SCAPER: variants seen among roughly 807,000 people sequenced by gnomAD.
SCAPER encodes S-phase cyclin A associated protein in the ER, also known as S phase cyclin A-associated protein in the endoplasmic reticulum.
In SCAPER, 98 loss-of-function variants were observed where a neutral mutation model predicts 182.2. That is an observed-to-expected ratio of 0.54 (90% CI 0.46 to 0.64). The LOEUF (loss-of-function observed/expected upper bound fraction) is 0.64. Among genes scored for constraint, SCAPER ranks in the 30% least tolerant of loss-of-function variants. The probability of loss-of-function intolerance (pLI) is 0.00; values close to 1 mark genes in which losing one functional copy is unlikely to be tolerated. For missense variants in SCAPER, 1,432 were observed against 1,690.0 expected, an observed-to-expected ratio of 0.85 and a Z score of 2.68; for synonymous variants, 605 against 564.6, an observed-to-expected ratio of 1.07 and a Z score of -1.01.
chr15:76,665,505 G>C, intron 21 of SCAPER, 148 bp downstream of exon 21: 1 of 915,278 alleles, frequency 1.1e-6, no homozygotes, highest in Non-Finnish European at 1.6e-6. Flanking sequence ...CTCAATCAAG[G>C]AAAGTGGCTA....
At chr15:76,721,352 G>A (rs2060229756) in intron 17 of SCAPER, among the ~76,000 whole-genome samples, 1 of 151,982 alleles carries the variant, frequency 6.6e-6, no homozygotes, top group African/African-American at 2.4e-5. Context: ...TTTGAAGTCA[G>A]GTAGTGTGAT....
intron 20 of SCAPER, among the ~76,000 whole-genome samples, chr15:76,678,847 C>T (rs1458200347): frequency 2.6e-5 from 4 of 152,108 alleles, no homozygotes; most frequent in African/African-American, 9.7e-5. Context: ...TAGCTCAATT[C>T]ACTAACATTT....
intron 15 of SCAPER, among the ~76,000 whole-genome samples, chr15:76,741,375 T>C (rs2061529678): frequency 6.6e-6 from 1 of 152,044 alleles, no homozygotes; most frequent in Admixed American, 6.5e-5. Flanking sequence ...AAATACAATA[T>C]AATATTAAAG....
chr15:76,652,509 TTACA>T (rs1182025362), intron 21 of SCAPER, among the ~76,000 whole-genome samples: 11 of 42,614 alleles, frequency 2.6e-4, no homozygotes, highest in East Asian at 1.3e-3. Flanking sequence ...ATATATATAT[TTACA>T]TACATACACA....
At chr15:76,606,711 G>A (rs2050440174) in intron 22 of SCAPER, among the ~76,000 whole-genome samples, 1 of 151,274 alleles carries the variant, frequency 6.6e-6, no homozygotes, top group African/African-American at 2.4e-5. Flanking sequence ...TGTATTGGGT[G>A]CATATATATT....
intron 23 of SCAPER, among the ~76,000 whole-genome samples, chr15:76,509,263 C>T (rs1324837694): frequency 6.6e-6 from 1 of 152,170 alleles, no homozygotes; most frequent in Non-Finnish European, 1.5e-5. Context: ...ATTATCCCCT[C>T]TTCTTCAGCT....
chr15:76,490,234 T>A (rs1596989440), intron 24 of SCAPER, among the ~76,000 whole-genome samples: 2 of 152,246 alleles, frequency 1.3e-5, no homozygotes, highest in East Asian at 3.8e-4. Flanking sequence ...TTTTCCATAG[T>A]GGCTGCACCA....
At chr15:76,505,035 G>A in intron 23 of SCAPER, 61 bp from the exon 24 acceptor site, 1 of 1,150,502 alleles carries the variant, frequency 8.7e-7, no homozygotes, top group South Asian at 1.4e-5. Flanking sequence ...ATAACCAAAT[G>A]ATATCTGTAG....
At chr15:76,524,186 C>T (rs1430469683) in intron 23 of SCAPER, among the ~76,000 whole-genome samples, 4 of 152,132 alleles carry the variant, frequency 2.6e-5, no homozygotes, top group Middle Eastern at 3.4e-3. Context: ...AAAAGCAAAA[C>T]AAAAACAAAA....
chr15:76,492,040 C>A (rs981645703), intron 24 of SCAPER, among the ~76,000 whole-genome samples: 2 of 152,134 alleles, frequency 1.3e-5, no homozygotes, highest in African/African-American at 4.8e-5. Context: ...TACTTGGCAT[C>A]TTTGTATCTT....
chr15:76,717,104 C>G (rs2059928091), intron 17 of SCAPER, among the ~76,000 whole-genome samples: 1 of 147,352 alleles, frequency 6.8e-6, no homozygotes, highest in Non-Finnish European at 1.5e-5. Context: ...ACCTTACAAG[C>G]CTGGAGAATG....
Position 76,423,673 on chromosome 15 carries a change from G to A in SCAPER, c.3311+10405C>T, listed in dbSNP as rs28830350. Among the ~76,000 whole-genome samples the A allele has an allele frequency of 6.0e-3, 908 of 152,250 alleles. 4 individuals are homozygous for A. The highest frequency in any genetic ancestry group is 0.021 in the African/African-American group (876 of 41,546). ...TTGCCTTCTGCTAGCTTTTGAATGTGTTTGCTCTTGCTTCTCTAGTTCTTT... is the reference window on the plus strand; with the variant it reads ...TTGCCTTCTGCTAGCTTTTGAATGTATTTGCTCTTGCTTCTCTAGTTCTTT... On this transcript the variant is annotated intron_variant, in intron 26 of 31. Transcript: ENST00000563290.
chr15:76,796,541 T>C (rs1245672687), intron 7 of SCAPER, among the ~76,000 whole-genome samples: 1 of 152,250 alleles, frequency 6.6e-6, no homozygotes, highest in Non-Finnish European at 1.5e-5. Flanking sequence ...TGAGTAGATA[T>C]ACAAAATGTA....
intron 1 of SCAPER, among the ~76,000 whole-genome samples, chr15:76,887,517 G>GGTGGGTCCCACACCCAC (rs2073907334): frequency 6.6e-6 from 1 of 152,102 alleles, no homozygotes; most frequent in African/African-American, 2.4e-5. Context: ...TGCCTGGCTC[G>GGTGGGTCCCACACCCAC]GTGGGTCCCA....
chr15:76,890,474 GAC>G (rs940365900), intron 1 of SCAPER, among the ~76,000 whole-genome samples: 10 of 152,108 alleles, frequency 6.6e-5, no homozygotes, highest in African/African-American at 2.4e-4. Context: ...AATAAAAAAT[GAC>G]AAAGGGGATA....
chr15:76,857,815 A>T lies in SCAPER; in HGVS notation c.189T>A (p.Thr63=). 6.5e-7 allele frequency: 1 copy of T among 1,537,824 alleles called. No individual in the cohort carries two copies. The highest frequency in any genetic ancestry group is 8.8e-7 in the Non-Finnish European group (1 of 1,138,842). The change falls in exon 4 of 32, where the codon ACT becomes ACA. Residue 63 remains threonine (T), a synonymous_variant. Transcript: ENST00000563290. ...KRTIQGTHKT[T]KQSTAVDCKI... is the part of the protein sequence containing the mutation. ...AAAGTTATAGATGCTGTACCTGTTT[A>T]GTAGTTTTATGAGTGCCTTGAATGG...
chr15:76,524,182 A>G (rs1325122565), intron 23 of SCAPER, among the ~76,000 whole-genome samples: 1 of 152,176 alleles, frequency 6.6e-6, no homozygotes, highest in Non-Finnish European at 1.5e-5. Flanking sequence ...CAGCAAAAGC[A>G]AAACAAAAAC....
At chr15:76,654,084 A>C in intron 21 of SCAPER, among the ~76,000 whole-genome samples, 1 of 152,234 alleles carries the variant, frequency 6.6e-6, no homozygotes, top group Non-Finnish European at 1.5e-5. Flanking sequence ...ATAAGTGGCC[A>C]AGAAACATGA....
chr15:76,391,601 C>T (rs901748709), intron 27 of SCAPER, among the ~76,000 whole-genome samples: 35 of 152,204 alleles, frequency 2.3e-4, no homozygotes, highest in African/African-American at 8.4e-4. Context: ...GAGATGTGGG[C>T]AGTCCTTCTT....
Sources: allele counts gnomAD v4.1 joint callset (sites outside exome capture counted in the v4.1 genomes callset), GRCh38; gene constraint gnomAD v4.1.1; transcripts MANE v1.5; gene names NCBI Gene and HGNC (gene_info 2026-07-23, HGNC 2026-07-21).